NFATC1: variants seen among roughly 807,000 people sequenced by gnomAD.
NFATC1 encodes the protein nuclear factor of activated T-cells, cytoplasmic 1.
A neutral mutation model predicts 76.0 loss-of-function variants in NFATC1; 22 were observed. That is an observed-to-expected ratio of 0.29 (90% CI 0.21 to 0.41). The LOEUF (loss-of-function observed/expected upper bound fraction) is 0.41. Ranked by LOEUF, NFATC1 falls within the 10% of genes least tolerant of loss-of-function variation. The pLI is 1.00. For missense variants in NFATC1, 1,357 were observed against 1,337.7 expected, an observed-to-expected ratio of 1.01 and a Z score of -0.23; for synonymous variants, 704 against 613.1, an observed-to-expected ratio of 1.15 and a Z score of -2.19.
chr18:79,443,882 G>T (rs1031623033), intron 3 of NFATC1, among the ~76,000 whole-genome samples: 6 of 152,222 alleles, frequency 3.9e-5, no homozygotes, highest in African/African-American at 1.4e-4. Context: ...GAAAGCTGCT[G>T]TGGGTCCTGG....
In NFATC1 at chr18:79,410,459, C is replaced by T. The variant is rs1351061021; in HGVS notation, c.184C>T (p.His62Tyr). ...VSPALPLPTA[H>Y]STLPAPCHNL... is the part of the protein sequence containing the mutation. Reference sequence around the variant, plus strand: ...CCCCGCCCTGCCGCTCCCCACGGCGCACTCCACCCTGCCGGCCCCGTGCCA... The same window carrying T: ...CCCCGCCCTGCCGCTCCCCACGGCGTACTCCACCCTGCCGGCCCCGTGCCA... Residue 62 changes from histidine (H) to tyrosine (Y), a missense_variant, in exon 2 of 10, where the codon CAC becomes TAC. This residue lies in a region of NFATC1 where 691 missense variants were observed against 613.1 expected (regional missense o/e 1.13). Transcript: ENST00000427363. This position sits in a 1 kb window ranked among gnomAD's most constrained non-coding sequence, Gnocchi z 6.7. 6.2e-7 allele frequency: 1 copy of T among 1,612,314 alleles called. No homozygotes were observed. Among genetic ancestry groups the T allele is most frequent in the African/African-American group, 1.3e-5 (1 of 74,918 alleles).
At chr18:79,431,415 C>T (rs1295813640) in intron 2 of NFATC1, among the ~76,000 whole-genome samples, 1 of 152,104 alleles carries the variant, frequency 6.6e-6, no homozygotes, top group African/African-American at 2.4e-5. Context: ...GAAGCACATG[C>T]GATCTTGGCT....
At position 79,410,964 on chromosome 18, in the gene NFATC1, T is replaced by G. The variant is rs138594934; in HGVS notation, c.689T>G (p.Leu230Arg). The change falls in exon 2 of 10, where the codon CTG (leucine) becomes CGG (arginine). Residue 230 changes from leucine to arginine, a missense_variant. Coordinates refer to ENST00000427363, the MANE Select transcript of NFATC1 (RefSeq NM_001278669.2). This position sits in a 1 kb window ranked among gnomAD's most constrained non-coding sequence, Gnocchi z 6.7. ...CCCCGCGGGCTGGGGGCCTGCACAC[T>G]GCTGGGTTCCCCGCGGCACTCCCCC... ...GFPRGLGACT[L>R]LGSPRHSPST... The G allele has an allele frequency of 1.2e-6, 2 of 1,602,802 alleles. No individual in the cohort carries two copies. Among genetic ancestry groups the G allele is most frequent in the South Asian group, 2.2e-5 (2 of 89,654 alleles).
At chr18:79,440,952 C>T (rs919316315) in intron 3 of NFATC1, among the ~76,000 whole-genome samples, 1 of 152,210 alleles carries the variant, frequency 6.6e-6, no homozygotes, top group African/African-American at 2.4e-5. Context: ...GGCGTGTGCC[C>T]GTCTGGGCTG....
intron 6 of NFATC1, among the ~76,000 whole-genome samples, chr18:79,457,258 G>A (rs564034846): frequency 6.6e-6 from 1 of 152,170 alleles, no homozygotes; most frequent in Non-Finnish European, 1.5e-5. Context: ...ACACCTGCCC[G>A]TGTCTTCCTC....
chr18:79,430,750 C>T (rs562247656), intron 2 of NFATC1, among the ~76,000 whole-genome samples: 37 of 152,358 alleles, frequency 2.4e-4, no homozygotes, highest in African/African-American at 8.4e-4. Context: ...GTGCCTGAGA[C>T]GGGCACCGCC....
chr18:79,398,100 C>G (rs1204023973), intron 1 of NFATC1, among the ~76,000 whole-genome samples: 2 of 152,170 alleles, frequency 1.3e-5, no homozygotes, highest in Non-Finnish European at 2.9e-5. Context: ...ATCTGAGGAC[C>G]TGGGCGCCTC....
At chr18:79,436,623 G>A (rs116524774) in intron 3 of NFATC1, among the ~76,000 whole-genome samples, 1,992 of 152,338 alleles carry the variant, frequency 0.013, 47 homozygotes, top group African/African-American at 0.046. Context: ...TGAGCAGAAC[G>A]CAGCACCTTC....
chr18:79,487,360 G>T (rs955417304), intron 9 of NFATC1, among the ~76,000 whole-genome samples: 1 of 152,248 alleles, frequency 6.6e-6, no homozygotes, highest in African/African-American at 2.4e-5. Context: ...ATGGTTTGTA[G>T]ACAACAGCTT....
At chr18:79,406,647 C>A (rs2085448705) in intron 1 of NFATC1, among the ~76,000 whole-genome samples, 1 of 152,164 alleles carries the variant, frequency 6.6e-6, no homozygotes, top group Non-Finnish European at 1.5e-5. Context: ...GCGTTTTTGG[C>A]TAAGGAATAT....
intron 8 of NFATC1, among the ~76,000 whole-genome samples, chr18:79,474,044 G>A (rs1455496475): frequency 5.1e-5 from 7 of 136,524 alleles, no homozygotes; most frequent in African/African-American, 8.6e-5. Context: ...GTGTTCTCAC[G>A]CTCGCTGTCA....
Position 79,471,164 on chromosome 18 carries a change from C to T in NFATC1, c.2092+3582C>T, listed in dbSNP as rs1198764252. 5.3e-5 allele frequency among the ~76,000 whole-genome samples: 8 copies of T among 152,244 alleles called. No homozygotes were observed. In the South Asian group the frequency reaches 1.2e-3, roughly 24 times the overall value. On this transcript the variant is annotated intron_variant, in intron 8 of 9. Transcript: ENST00000427363. ...CGCCTGAATTTAATCTCCCGGAAGG[C>T]GCGTTAGGAGGGCTGAGGGATGATC...
At chr18:79,445,372 C>T (rs187959621) in intron 3 of NFATC1, among the ~76,000 whole-genome samples, 3 of 152,278 alleles carry the variant, frequency 2.0e-5, no homozygotes, top group Admixed American at 2.0e-4. Flanking sequence ...CCTTCCTTCT[C>T]GTGCTTTGGT....
At chr18:79,527,353 A>G in intron 9 of NFATC1, 175 bp from the exon 10 acceptor site, 1 of 585,814 alleles carries the variant, frequency 1.7e-6, no homozygotes, top group Non-Finnish European at 3.0e-6. Context: ...CGAGGCAGCC[A>G]GGCACTGGCT....
At chr18:79,437,061 T>C (rs1029517720) in intron 3 of NFATC1, among the ~76,000 whole-genome samples, 2 of 152,106 alleles carry the variant, frequency 1.3e-5, no homozygotes, top group Admixed American at 6.5e-5. Context: ...AGCGGGGCCC[T>C]GGAGCCGTCT....
chr18:79,473,573 G>T (rs1321938574), intron 8 of NFATC1, among the ~76,000 whole-genome samples: 1 of 139,998 alleles, frequency 7.1e-6, no homozygotes, highest in Non-Finnish European at 1.5e-5. Flanking sequence ...GTGTTCTCGC[G>T]CTCACTGTCG....
Position 79,528,077 on chromosome 18 carries a change from G to A in NFATC1, c.*500G>A, listed in dbSNP as rs1187222500. The A allele has an allele frequency of 7.4e-6, 3 of 402,980 alleles. No individual in the cohort carries two copies. Among genetic ancestry groups the A allele is most frequent in the East Asian group, 3.5e-5 (1 of 28,300 alleles). 25.0% of individuals were successfully genotyped at this position (402,980 alleles called of 1,614,324 possible). A position where few individuals can be genotyped will look rare whatever the true frequency, so the allele number is the denominator to read the frequency against. On this transcript the variant is annotated 3_prime_UTR_variant, in exon 10 of 10. Coordinates refer to ENST00000427363, the MANE Select transcript of NFATC1 (RefSeq NM_001278669.2). ...AATGAAGAGAACGCTGGAAGGCTGC[G>A]AGAGGACTCTAGTATGAGTCTCCAA...
intron 1 of NFATC1, among the ~76,000 whole-genome samples, chr18:79,398,628 A>C (rs2085080956): frequency 6.6e-6 from 1 of 152,244 alleles, no homozygotes; most frequent in Non-Finnish European, 1.5e-5. Flanking sequence ...GGACAGCAGC[A>C]GTGAGCCTCC....
intron 6 of NFATC1, among the ~76,000 whole-genome samples, chr18:79,454,466 C>T (rs1363330074): frequency 1.3e-5 from 2 of 152,180 alleles, no homozygotes; most frequent in African/African-American, 4.8e-5. Context: ...GAAGGGAGTC[C>T]CCGCAGCAGG....
Sources: gnomAD v4.1 joint callset for allele counts (sites outside exome capture counted in the v4.1 genomes callset) on GRCh38, gnomAD v4.1.1 for gene constraint, gnomAD v4.1.1 regional missense constraint, Gnocchi (gnomAD v3.1) non-coding constraint, MANE v1.5 for transcripts, NCBI Gene and HGNC (gene_info 2026-07-23, HGNC 2026-07-21) for gene names.